TBC1D32: variants seen among roughly 807,000 people sequenced by gnomAD.
TBC1D32 encodes protein broad-minded.
A neutral mutation model predicts 170.3 loss-of-function variants in TBC1D32; 151 were observed. The ratio of observed to expected loss-of-function variants is 0.89; its 90% CI spans 0.78 to 1.01. The LOEUF (loss-of-function observed/expected upper bound fraction) is 1.01, where lower values mean the gene tolerates loss of function less well. Ranked by LOEUF, TBC1D32 falls within the 50% of genes least tolerant of loss-of-function variation. The probability of loss-of-function intolerance (pLI) is 0.00; values close to 1 mark genes in which losing one functional copy is unlikely to be tolerated. For missense variants in TBC1D32, 1,464 were observed against 1,457.1 expected (o/e 1.00, Z -0.08); for synonymous variants, 498 against 488.0 (o/e 1.02, Z -0.27).
intron 17 of TBC1D32, among the ~76,000 whole-genome samples, chr6:121,244,187 T>C (rs977394748): frequency 1.3e-5 from 2 of 151,914 alleles, no homozygotes; most frequent in Admixed American, 6.6e-5. Flanking sequence ...TTTTTAAAAA[T>C]TTATATAATA....
intron 3 of TBC1D32, among the ~76,000 whole-genome samples, chr6:121,317,097 A>G (rs893977729): frequency 1.3e-5 from 2 of 152,176 alleles, no homozygotes; most frequent in African/African-American, 4.8e-5. Context: ...CTAACAATTC[A>G]CAACAACTTT....
rs554602536 is a variant in TBC1D32, at chr6:121,093,008, C to G, written c.3466-1967G>C. On this transcript the variant is annotated intron_variant, in intron 30 of 31. Coordinates refer to ENST00000398212, the MANE Select transcript of TBC1D32 (RefSeq NM_152730.6). ...TCTCAGGTGTTAAGAGTTTCCTTTACAACTATAATGTTCCCCTCCTGTTAA... is the reference window on the plus strand; with the variant it reads ...TCTCAGGTGTTAAGAGTTTCCTTTAGAACTATAATGTTCCCCTCCTGTTAA... Among the ~76,000 whole-genome samples the G allele has an allele frequency of 4.3e-4, 66 of 152,234 alleles. 4 individuals are homozygous for G. In the South Asian group the frequency reaches 0.013, roughly 31 times the overall value.
At chr6:121,279,464 A>AT (rs1200824916) in intron 14 of TBC1D32, among the ~76,000 whole-genome samples, 4 of 151,860 alleles carry the variant, frequency 2.6e-5, no homozygotes, top group South Asian at 2.1e-4. Context: ...ATAAATACAG[A>AT]TTTTTTTTCA....
At chr6:121,110,571 C>T (rs1271598816) in intron 29 of TBC1D32, among the ~76,000 whole-genome samples, 1 of 152,058 alleles carries the variant, frequency 6.6e-6, no homozygotes, top group Non-Finnish European at 1.5e-5. Context: ...TTTGTACTAT[C>T]AACAGCTATA....
chr6:121,268,777 C>T (rs1800910227), intron 15 of TBC1D32, among the ~76,000 whole-genome samples: 1 of 152,084 alleles, frequency 6.6e-6, no homozygotes, highest in Non-Finnish European at 1.5e-5. Context: ...AAAGATACTC[C>T]TCAAGAAGAG....
At position 121,106,108 on chromosome 6, in the gene TBC1D32, C is replaced by T; in HGVS notation, c.3380G>A (p.Ser1127Asn). Reference protein sequence around the residue: ...ESGIHPVYFCSTHYIEMLLKA... With the variant: ...ESGIHPVYFCNTHYIEMLLKA... Reference sequence around the variant, plus strand: ...CAGTAGCATTTCAATATAATGGGTGCTGCAAAAATATACTGGATGGATGCC... The same window carrying T: ...CAGTAGCATTTCAATATAATGGGTGTTGCAAAAATATACTGGATGGATGCC... Residue 1127 changes from serine to asparagine, a missense_variant, in exon 30 of 32, where the codon AGC (serine) becomes AAC (asparagine). Physicochemically the swap from Ser to Asn is conservative, Grantham distance 46. Transcript: ENST00000398212. The T allele has an allele frequency of 6.2e-7, 1 of 1,604,634 alleles. No homozygotes were observed. Among genetic ancestry groups the T allele is most frequent in the Non-Finnish European group, 8.5e-7 (1 of 1,173,754 alleles).
intron 29 of TBC1D32, among the ~76,000 whole-genome samples, chr6:121,112,046 C>T (rs77679441): frequency 0.025 from 3,776 of 152,132 alleles, 168 homozygotes; most frequent in East Asian, 0.13. Flanking sequence ...TTTTAAAATA[C>T]ATTACGATAC....
chr6:121,304,294 T>C (rs1203629135), intron 8 of TBC1D32, 71 bp downstream of exon 8: 8 of 1,404,746 alleles, frequency 5.7e-6, no homozygotes, highest in Non-Finnish European at 7.9e-6. Flanking sequence ...CTTTACTCTT[T>C]CTGTCTGAAA....
upstream of TBC1D32, chr6:121,334,516 G>A: frequency 1.4e-6 from 2 of 1,456,062 alleles, no homozygotes; most frequent in South Asian, 1.3e-5. Flanking sequence ...CCCCCACCCA[G>A]CCCCGGCTAC....
At chr6:121,209,898 A>T (rs1024376353) in intron 21 of TBC1D32, among the ~76,000 whole-genome samples, 5 of 152,196 alleles carry the variant, frequency 3.3e-5, no homozygotes, top group Non-Finnish European at 7.3e-5. Flanking sequence ...TAGTTATATA[A>T]ATCAAAAAAT....
At chr6:121,280,964 T>G (rs1802905901) in intron 14 of TBC1D32, among the ~76,000 whole-genome samples, 1 of 151,864 alleles carries the variant, frequency 6.6e-6, no homozygotes, top group South Asian at 2.1e-4. Flanking sequence ...CCCAAACTAG[T>G]GACAATAGCA....
chr6:121,083,281 G>A (rs1329633050), intron 31 of TBC1D32, among the ~76,000 whole-genome samples: 1 of 151,980 alleles, frequency 6.6e-6, no homozygotes, highest in African/African-American at 2.4e-5. Context: ...TAACCGTATA[G>A]TATTTGCTCA....
chr6:121,175,790 G>T (rs774577980), intron 22 of TBC1D32, among the ~76,000 whole-genome samples: 7 of 152,210 alleles, frequency 4.6e-5, no homozygotes, highest in Non-Finnish European at 1.0e-4. Context: ...CATCAGGAAG[G>T]CAAAACTGCC....
intron 15 of TBC1D32, among the ~76,000 whole-genome samples, chr6:121,272,326 C>T (rs1801566227): frequency 6.6e-6 from 1 of 152,068 alleles, no homozygotes; most frequent in South Asian, 2.1e-4. Flanking sequence ...AGGCAACCTA[C>T]AGAAAGGGAG....
intron 21 of TBC1D32, among the ~76,000 whole-genome samples, chr6:121,213,524 T>A (rs200473399): frequency 2.6e-4 from 8 of 31,214 alleles, no homozygotes; most frequent in African/African-American, 1.2e-3. Context: ...TAAAATAAAA[T>A]AAATAAAATA....
At position 121,223,269 on chromosome 6, in the gene TBC1D32, T is replaced by C; in HGVS notation, c.2448A>G (p.Glu816=). 6.3e-7 allele frequency: 1 copy of C among 1,587,160 alleles called. No homozygotes were observed. Among genetic ancestry groups the C allele is most frequent in the Non-Finnish European group, 8.5e-7 (1 of 1,170,284 alleles). Residue 816 remains glutamate (E), a synonymous_variant, in exon 21 of 32, where the codon GAA becomes GAG. Transcript: ENST00000398212. ...VRNQDLPNKT[E]YSLREVPTCV... is the part of the protein sequence containing the mutation. ...ATGTTGGGACTTCACGAAGAGAATA[T>C]TCTGTTTTATTAGGAAGATCTTGAT...
At chr6:121,290,587 T>C (rs146857182) in intron 12 of TBC1D32, among the ~76,000 whole-genome samples, 4,981 of 152,264 alleles carry the variant, frequency 0.033, 191 homozygotes, top group East Asian at 0.12. Flanking sequence ...TGGAAGTCAG[T>C]GTGGCGATTC....
intron 11 of TBC1D32, among the ~76,000 whole-genome samples, chr6:121,293,189 G>A (rs1286640909): frequency 1.3e-5 from 2 of 150,400 alleles, no homozygotes; most frequent in Admixed American, 1.3e-4. Flanking sequence ...AGAGAAGAGA[G>A]CAAAACCATG....
intron 12 of TBC1D32, among the ~76,000 whole-genome samples, chr6:121,288,014 G>A (rs1412915878): frequency 2.6e-5 from 4 of 152,122 alleles, no homozygotes; most frequent in African/African-American, 9.7e-5. Flanking sequence ...TGTGTAGAGG[G>A]AAATTTATAG....
Sources: gnomAD v4.1 joint callset for allele counts (sites outside exome capture counted in the v4.1 genomes callset) on GRCh38, gnomAD v4.1.1 for gene constraint, MANE v1.5 for transcripts, NCBI Gene and HGNC (gene_info 2026-07-23, HGNC 2026-07-21) for gene names.